Variants in ZNF33A observed in about 807,000 individuals in gnomAD.
ZNF33A encodes brain my041 protein.
In ZNF33A, 9 loss-of-function variants were observed where a neutral mutation model predicts 15.9. That is an observed-to-expected ratio of 0.57 (90% CI 0.34 to 0.99). The LOEUF is 0.99. Among genes scored for constraint, ZNF33A ranks in the 50% least tolerant of loss-of-function variants. The pLI, the probability that ZNF33A is intolerant of heterozygous loss-of-function variation, is 0.02. For synonymous variants in ZNF33A, 294 were observed against 324.2 expected (o/e 0.91, Z 1.00); for missense variants, 843 against 941.6 (o/e 0.90, Z 1.37).
chr10:38,022,504 A>G (rs1590502966), intron 4 of ZNF33A, among the ~76,000 whole-genome samples: 1 of 152,020 alleles, frequency 6.6e-6, no homozygotes, highest in East Asian at 1.9e-4. Flanking sequence ...TAAAAATACA[A>G]AAATTAGTCT....
downstream of ZNF33A, chr10:38,064,274 T>C: frequency 1.5e-6 from 1 of 650,522 alleles, no homozygotes; most frequent in Non-Finnish European, 2.6e-6. Context: ...ATCAGCATTC[T>C]TGCAACAAAT....
chr10:38,033,139 G>A (rs1284494619), intron 4 of ZNF33A, among the ~76,000 whole-genome samples: 3 of 152,130 alleles, frequency 2.0e-5, no homozygotes, highest in Non-Finnish European at 2.9e-5. Flanking sequence ...TGTAGCCCTT[G>A]GCAACCAAAA....
At chr10:38,041,902 G>T (rs2065718014) in intron 4 of ZNF33A, among the ~76,000 whole-genome samples, 1 of 151,972 alleles carries the variant, frequency 6.6e-6, no homozygotes, top group South Asian at 2.1e-4. Flanking sequence ...AGAATGTGGA[G>T]GTTTGTTACA....
At chr10:38,037,363 G>A (rs1229949093) in intron 4 of ZNF33A, among the ~76,000 whole-genome samples, 2 of 150,030 alleles carry the variant, frequency 1.3e-5, no homozygotes, top group South Asian at 2.1e-4. Flanking sequence ...AGTCTCTGAC[G>A]CCCAGCCTGG....
chr10:38,066,110 A>C (rs2066707609), downstream of ZNF33A, among the ~76,000 whole-genome samples: 1 of 152,110 alleles, frequency 6.6e-6, no homozygotes, highest in Admixed American at 6.6e-5. Context: ...TGTATCCCAG[A>C]GCTTACTCAG....
chr10:38,053,063 T>G (rs982579345), intron 4 of ZNF33A, among the ~76,000 whole-genome samples: 4 of 152,158 alleles, frequency 2.6e-5, no homozygotes, highest in African/African-American at 9.6e-5. Context: ...TTTCTTACTC[T>G]TTTAAAATTA....
At chr10:38,044,274 C>A (rs1438052121) in intron 4 of ZNF33A, among the ~76,000 whole-genome samples, 1 of 146,904 alleles carries the variant, frequency 6.8e-6, no homozygotes, top group Non-Finnish European at 1.5e-5. Flanking sequence ...ATGGCACTAT[C>A]TCAGCTCACT....
intron 4 of ZNF33A, among the ~76,000 whole-genome samples, chr10:38,018,058 C>T (rs1232722983): frequency 1.3e-5 from 2 of 152,182 alleles, no homozygotes; most frequent in Admixed American, 1.3e-4. Flanking sequence ...TGTGCCACTG[C>T]ACTCCAGCCT....
At chr10:38,052,931 T>C (rs1467480874) in intron 4 of ZNF33A, among the ~76,000 whole-genome samples, 1 of 151,712 alleles carries the variant, frequency 6.6e-6, no homozygotes, top group African/African-American at 2.4e-5. Flanking sequence ...ATATTAGATT[T>C]ATTCTGTTGT....
At chr10:38,033,974 G>A (rs2065330811) in intron 4 of ZNF33A, among the ~76,000 whole-genome samples, 2 of 152,138 alleles carry the variant, frequency 1.3e-5, no homozygotes, top group Non-Finnish European at 2.9e-5. Flanking sequence ...GCCTCCCAAA[G>A]TGCTGGGATT....
chr10:38,036,211 A>G (rs376573860), intron 4 of ZNF33A, among the ~76,000 whole-genome samples: 2 of 152,264 alleles, frequency 1.3e-5, no homozygotes, highest in East Asian at 3.9e-4. Flanking sequence ...ATGCTGACGC[A>G]GATGGATTAC....
chr10:38,020,095 A>T (rs966914566), intron 4 of ZNF33A, among the ~76,000 whole-genome samples: 3 of 152,234 alleles, frequency 2.0e-5, no homozygotes, highest in Non-Finnish European at 4.4e-5. Flanking sequence ...TGGAATCTAA[A>T]AGATGAATGG....
At chr10:38,025,498 C>T (rs1004365512) in intron 4 of ZNF33A, among the ~76,000 whole-genome samples, 6 of 152,192 alleles carry the variant, frequency 3.9e-5, no homozygotes, top group Admixed American at 6.5e-5. Context: ...AGCTTGCTCA[C>T]TCACCATGTG....
In ZNF33A at chr10:38,055,851, C is replaced by T; in HGVS notation, c.1727C>T (p.Thr576Ile). The change falls in exon 5 of 5, where the codon ACA becomes ATA. Residue 576 changes from threonine to isoleucine, a missense_variant. Thr to Ile is a moderately conservative substitution (Grantham distance 89, BLOSUM62 -1). Coordinates refer to ENST00000432900, the MANE Select transcript of ZNF33A (RefSeq NM_006954.2). ...STLSQHYRTHTGEKPYECHEC... is the reference protein window; with the variant it reads ...STLSQHYRTHIGEKPYECHEC... ...CTCTCTCAACATTATAGAACACACA[C>T]AGGGGAGAAACCCTACGAATGTCAT... 4 of 1,614,088 alleles carry T rather than the reference C, an allele frequency of 2.5e-6. No homozygotes were observed. The highest frequency in any genetic ancestry group is 1.3e-5 in the African/African-American group (1 of 75,028).
chr10:38,043,682 A>G (rs1348664426), intron 4 of ZNF33A, among the ~76,000 whole-genome samples: 1 of 152,044 alleles, frequency 6.6e-6, no homozygotes, highest in Admixed American at 6.6e-5. Context: ...ATTGCAAAAA[A>G]AAAAATTTTT....
chr10:38,055,590 G>A lies in ZNF33A; in HGVS notation c.1466G>A (p.Arg489Lys). Residue 489 changes from arginine to lysine, a missense_variant, in exon 5 of 5, where the codon AGA (arginine) becomes AAA (lysine). By Grantham distance (26) the Arg-to-Lys change is conservative. Coordinates refer to ENST00000432900, the MANE Select transcript of ZNF33A (RefSeq NM_006954.2). ...SEKSNLTQHQRIHIGDKSYEC... is the reference protein window; with the variant it reads ...SEKSNLTQHQKIHIGDKSYEC... Reference sequence around the variant, plus strand: ...AAGTCAAATCTTACACAGCATCAGAGAATTCACATAGGAGATAAATCTTAT... The same window carrying A: ...AAGTCAAATCTTACACAGCATCAGAAAATTCACATAGGAGATAAATCTTAT... 1 of 1,614,084 alleles carries A rather than the reference G, an allele frequency of 6.2e-7. No individual in the cohort carries two copies. The highest frequency in any genetic ancestry group is 8.5e-7 in the Non-Finnish European group (1 of 1,179,994).
At chr10:38,053,255 G>A (rs543217953) in intron 4 of ZNF33A, among the ~76,000 whole-genome samples, 3 of 152,204 alleles carry the variant, frequency 2.0e-5, no homozygotes, top group Non-Finnish European at 2.9e-5. Flanking sequence ...TAAAGTCAAG[G>A]TGCCAGCAGG....
At position 38,017,344 on chromosome 10, in the gene ZNF33A, C is replaced by T; in HGVS notation, c.208C>T (p.Pro70Ser). The change falls in exon 4 of 5, where the codon CCA (proline) becomes TCA (serine). Residue 70 changes from proline to serine, a missense_variant. Pro to Ser is a moderately conservative substitution (Grantham distance 74). Transcript: ENST00000432900. Reference sequence around the variant, plus strand: ...CTTCAGGCTGCAACAAGGAGAAGAGCCATGGAAACAGGAGGAAGAATTCCC... The same window carrying T: ...CTTCAGGCTGCAACAAGGAGAAGAGTCATGGAAACAGGAGGAAGAATTCCC... ...VIFRLQQGEE[P>S]WKQEEEFPSQ... is the part of the protein sequence containing the mutation. 6.2e-7 allele frequency: 1 copy of T among 1,613,960 alleles called. No homozygotes were observed. The highest frequency in any genetic ancestry group is 8.5e-7 in the Non-Finnish European group (1 of 1,179,934).
At chr10:38,017,096 TTAA>T in intron 3 of ZNF33A, 81 bp downstream of exon 3, 1 of 1,532,676 alleles carries the variant, frequency 6.5e-7, no homozygotes, top group Non-Finnish European at 8.8e-7. Flanking sequence ...TCTGTATAGT[TTAA>T]TGATATTTAA....
Sources: gnomAD v4.1 joint callset for allele counts (sites outside exome capture counted in the v4.1 genomes callset) on GRCh38, gnomAD v4.1.1 for gene constraint, MANE v1.5 for transcripts, NCBI Gene and HGNC (gene_info 2026-07-23, HGNC 2026-07-21) for gene names.